LPIN2: variants seen among roughly 807,000 people sequenced by gnomAD.
The protein encoded by LPIN2 is phosphatidate phosphatase LPIN2.
In LPIN2, 55 loss-of-function variants were observed where a neutral mutation model predicts 111.4. That is an observed-to-expected ratio of 0.49 (90% confidence interval 0.40 to 0.62). The LOEUF (loss-of-function observed/expected upper bound fraction) is 0.62. Ranked by LOEUF, LPIN2 falls within the 20% of genes least tolerant of loss-of-function variation. LPIN2 has a pLI of 0.00. For missense variants in LPIN2, 992 were observed against 1,112.1 expected (o/e 0.89, Z 1.54); for synonymous variants, 425 against 414.0 (o/e 1.03, Z -0.32).
At chr18:2,935,657 T>C (rs1251834435) in intron 7 of LPIN2, among the ~76,000 whole-genome samples, 6 of 152,224 alleles carry the variant, frequency 3.9e-5, no homozygotes, top group Non-Finnish European at 8.8e-5. Flanking sequence ...TTCTTCAAGA[T>C]GACAATAGTA....
chr18:2,931,534 T>C (rs957033991), intron 8 of LPIN2, 91 bp from the exon 9 acceptor site: 2 of 1,265,884 alleles, frequency 1.6e-6, no homozygotes, highest in Non-Finnish European at 2.2e-6. Flanking sequence ...TCAAACCAAA[T>C]AACACATCCG....
intron 1 of LPIN2, among the ~76,000 whole-genome samples, chr18:3,008,426 AG>A (rs2078549385): frequency 6.6e-6 from 1 of 152,250 alleles, no homozygotes; most frequent in Non-Finnish European, 1.5e-5. Flanking sequence ...TGGGTGACCA[AG>A]TGAGACCTTG....
chr18:2,974,021 A>G (rs2077967165), intron 1 of LPIN2, among the ~76,000 whole-genome samples: 1 of 152,334 alleles, frequency 6.6e-6, no homozygotes. Context: ...TTTTATTTGG[A>G]TATTTTAAAA....
chr18:2,924,611 TTA>T, intron 14 of LPIN2, 65 bp from the exon 15 acceptor site: 1 of 1,553,112 alleles, frequency 6.4e-7, no homozygotes, highest in Non-Finnish European at 8.9e-7. Context: ...ATTTAAAAAT[TTA>T]CAGAACAACT....
chr18:2,980,607 A>C (rs1484358030), intron 1 of LPIN2, among the ~76,000 whole-genome samples: 1 of 152,210 alleles, frequency 6.6e-6, no homozygotes, highest in Non-Finnish European at 1.5e-5. Flanking sequence ...CATCAACCAG[A>C]GGTGCCCATG....
intron 19 of LPIN2, 139 bp from the exon 20 acceptor site, chr18:2,920,576 T>A: frequency 1.1e-6 from 1 of 934,702 alleles, no homozygotes; most frequent in Non-Finnish European, 1.7e-6. Flanking sequence ...ATCACAGGGC[T>A]CAAACTCCCT....
In LPIN2 at chr18:2,928,550, C is replaced by T. The variant is rs369423032; in HGVS notation, c.1620+41G>A. ...GGATTTGTGTAAGTACTAGACACTGCGGATGCTTTCGGAAAGGCAGCAGAT... is the reference window on the plus strand; with the variant it reads ...GGATTTGTGTAAGTACTAGACACTGTGGATGCTTTCGGAAAGGCAGCAGAT... On this transcript the variant is annotated intron_variant, in intron 11 of 19. Coordinates refer to ENST00000677752, the MANE Select transcript of LPIN2 (RefSeq NM_001375808.2). 19 of 1,583,832 alleles carry T rather than the reference C, an allele frequency of 1.2e-5. No homozygotes were observed. The African/African-American group carries it at 2.0e-4, about 17-fold the overall frequency.
chr18:2,922,238 C>G (rs2077066104), intron 16 of LPIN2, 39 bp from the exon 17 acceptor site: 3 of 1,603,780 alleles, frequency 1.9e-6, no homozygotes, highest in Non-Finnish European at 1.7e-6. Context: ...CATGTTCTGG[C>G]TAAGGGAAAA....
In LPIN2 at chr18:2,919,663, G is replaced by C. The variant is rs537905405; in HGVS notation, c.*630C>G. 1 of 159,652 alleles carries C rather than the reference G, an allele frequency of 6.3e-6. No individual in the cohort carries two copies. The highest frequency in any genetic ancestry group is 5.9e-5 in the Admixed American group (1 of 17,056). The allele number at this position is 159,652 out of a possible 1,614,324, so 9.9% of individuals were successfully genotyped here. ...ACAGATGAGAGGAGGATGCTCTGTG[G>C]GGATCTTTCCCCAAAGAGGGCCAGG... On this transcript the variant is annotated 3_prime_UTR_variant, in exon 20 of 20. Coordinates refer to ENST00000677752, the MANE Select transcript of LPIN2 (RefSeq NM_001375808.2).
At chr18:2,937,351 C>T (rs1464125198) in intron 7 of LPIN2, among the ~76,000 whole-genome samples, 1 of 151,964 alleles carries the variant, frequency 6.6e-6, no homozygotes, top group Non-Finnish European at 1.5e-5. Flanking sequence ...TGAGACCAGC[C>T]TGGCCAACAT....
rs2077055023 is a variant in LPIN2 at position 2,921,579 on chromosome 18, G to A, written c.2396C>T (p.Ala799Val). 4.3e-6 allele frequency: 7 copies of A among 1,614,092 alleles called. No individual in the cohort carries two copies. Among genetic ancestry groups the A allele is most frequent in the African/African-American group, 1.3e-5 (1 of 75,030 alleles). ...AGCATAGAAGGGCTGCTTAGACGGG[G>A]CAAACAGATTCTTGATATCATTTAG... is the stretch of plus-strand genomic sequence containing the variant. ...ECLNDIKNLFAPSKQPFYAAF... is the reference protein window; with the variant it reads ...ECLNDIKNLFVPSKQPFYAAF... Residue 799 changes from alanine to valine, a missense_variant, in exon 18 of 20, where the codon GCC (alanine) becomes GTC (valine). This residue lies in a region of LPIN2 where 185 missense variants were observed against 186.5 expected (regional missense o/e 0.99). Coordinates refer to ENST00000677752, the MANE Select transcript of LPIN2 (RefSeq NM_001375808.2).
intron 8 of LPIN2, 74 bp from the exon 9 acceptor site, chr18:2,931,517 T>C: frequency 6.9e-7 from 1 of 1,454,732 alleles, no homozygotes; most frequent in Non-Finnish European, 9.3e-7. Context: ...CATGGTTCTC[T>C]GGGGGCTCAA....
intron 1 of LPIN2, among the ~76,000 whole-genome samples, chr18:2,999,211 T>A (rs975609992): frequency 6.6e-6 from 1 of 152,100 alleles, no homozygotes; most frequent in Non-Finnish European, 1.5e-5. Flanking sequence ...AATGTGACCT[T>A]ATTTGGAAAG....
At position 2,920,256 on chromosome 18, in the gene LPIN2, G is replaced by A; in HGVS notation, c.*37C>T. The A allele has an allele frequency of 6.2e-7, 1 of 1,613,560 alleles. No homozygotes were observed. The highest frequency in any genetic ancestry group is 8.5e-7 in the Non-Finnish European group (1 of 1,179,806). On this transcript the variant is annotated 3_prime_UTR_variant, in exon 20 of 20. Coordinates refer to ENST00000677752, the MANE Select transcript of LPIN2 (RefSeq NM_001375808.2). ...CAGCTGCCTTCCCTTGCTGTGGGGA[G>A]GGGGACCAAGCCCTGCCCACCCACT...
chr18:2,953,383 A>G (rs1334977210), intron 3 of LPIN2, among the ~76,000 whole-genome samples: 2 of 152,004 alleles, frequency 1.3e-5, no homozygotes, highest in East Asian at 3.9e-4. Context: ...GTCATTTATT[A>G]TGTTTCATTC....
At chr18:2,927,586 C>A in intron 12 of LPIN2, 136 bp downstream of exon 12, 1 of 857,974 alleles carries the variant, frequency 1.2e-6, no homozygotes, top group Non-Finnish European at 1.9e-6. Context: ...GTCCTAAGTG[C>A]TCAAAAATGG....
intron 17 of LPIN2, 84 bp from the exon 18 acceptor site, chr18:2,921,731 A>G (rs760473321): frequency 4.2e-6 from 4 of 942,518 alleles, no homozygotes; most frequent in Middle Eastern, 2.3e-4. Context: ...AGTGCTCACA[A>G]CCACCCAATT....
intron 11 of LPIN2, among the ~76,000 whole-genome samples, 159 bp from the exon 12 acceptor site, chr18:2,927,970 TGA>T (rs1231674421): frequency 1.3e-5 from 2 of 152,228 alleles, no homozygotes; most frequent in African/African-American, 4.8e-5. Context: ...TTAACACCTC[TGA>T]GAGACAGACC....
intron 1 of LPIN2, among the ~76,000 whole-genome samples, chr18:3,009,708 T>C (rs939280777): frequency 1.3e-5 from 2 of 152,194 alleles, no homozygotes; most frequent in Admixed American, 1.3e-4. Context: ...CCCAAAGTGC[T>C]GGGATTACAG....
Sources: gnomAD v4.1 joint callset for allele counts (sites outside exome capture counted in the v4.1 genomes callset) on GRCh38, gnomAD v4.1.1 for gene constraint, gnomAD v4.1.1 regional missense constraint, MANE v1.5 for transcripts, NCBI Gene and HGNC (gene_info 2026-07-23, HGNC 2026-07-21) for gene names.